MARCHF8: variants seen among roughly 807,000 people sequenced by gnomAD.
MARCHF8 encodes membrane associated ring-CH-type finger 8.
MARCHF8 carries 40 observed loss-of-function variants against 51.6 expected under a neutral mutation model. The observed-to-expected ratio is 0.77, with a 90% CI of 0.60 to 1.01. The LOEUF is 1.01. MARCHF8 is among the 50% of genes least tolerant of loss of function. The pLI, the probability that MARCHF8 is intolerant of heterozygous loss-of-function variation, is 0.00. For synonymous variants in MARCHF8, 263 were observed against 280.3 expected (o/e 0.94, Z 0.62); for missense variants, 685 against 708.6 (o/e 0.97, Z 0.38).
intron 2 of MARCHF8, among the ~76,000 whole-genome samples, chr10:45,505,560 C>G (rs964975061): frequency 3.9e-5 from 6 of 152,148 alleles, no homozygotes; most frequent in Non-Finnish European, 8.8e-5. Flanking sequence ...CCTACTTTTT[C>G]CCACAGTGAC....
At chr10:45,577,034 T>C (rs1394531744) in intron 1 of MARCHF8, among the ~76,000 whole-genome samples, 1 of 150,346 alleles carries the variant, frequency 6.7e-6, no homozygotes, top group Non-Finnish European at 1.5e-5. Flanking sequence ...GAGGACTTTA[T>C]GAGGTGATTA....
chr10:45,551,583 G>A (rs925005175), intron 1 of MARCHF8, among the ~76,000 whole-genome samples: 8 of 151,932 alleles, frequency 5.3e-5, no homozygotes, highest in African/African-American at 1.9e-4. Context: ...TCCATAATGT[G>A]CGTGGGCCTC....
chr10:45,463,066 T>C lies in MARCHF8; in HGVS notation c.1088+85A>G, dbSNP rs1039797994. 3.1e-5 allele frequency: 45 copies of C among 1,448,542 alleles called. No homozygotes were observed. The African/African-American group carries it at 4.3e-4, about 14-fold the overall frequency. 89.7% of individuals were successfully genotyped at this position (1,448,542 alleles called of 1,614,324 possible). ...TGGTTACAACTTCCTATTACTTCAT[T>C]TTCCTGAAACTTCACATACTAAAGC... On this transcript the variant is annotated intron_variant, in intron 5 of 7. Coordinates refer to ENST00000453424, the MANE Select transcript of MARCHF8 (RefSeq NM_001282866.2).
At chr10:45,546,286 G>A (rs1166049081) in intron 1 of MARCHF8, among the ~76,000 whole-genome samples, 6 of 151,746 alleles carry the variant, frequency 4.0e-5, no homozygotes, top group African/African-American at 9.7e-5. Flanking sequence ...TCAGCCTCCC[G>A]AGTAGCTGGG....
At chr10:45,588,281 C>T (rs994368728) in intron 1 of MARCHF8, among the ~76,000 whole-genome samples, 1 of 151,932 alleles carries the variant, frequency 6.6e-6, no homozygotes, top group South Asian at 2.1e-4. Flanking sequence ...AACTGAAGAA[C>T]AGAAATATTC....
chr10:45,548,864 A>AG (rs1332764135), intron 1 of MARCHF8, among the ~76,000 whole-genome samples: 1 of 151,944 alleles, frequency 6.6e-6, no homozygotes, highest in Non-Finnish European at 1.5e-5. Context: ...GAGTAGTGGC[A>AG]GGCGCCTGTA....
At chr10:45,459,886 C>T (rs1386527866) in intron 6 of MARCHF8, 16 of 985,196 alleles carry the variant, frequency 1.6e-5, no homozygotes, top group African/African-American at 5.2e-5. Flanking sequence ...TACTGGTTTC[C>T]GAATCAGGAG....
intron 1 of MARCHF8, among the ~76,000 whole-genome samples, chr10:45,554,565 A>C (rs1488150396): frequency 1.3e-5 from 2 of 152,206 alleles, no homozygotes; most frequent in African/African-American, 2.4e-5. Context: ...AGAAGCCATC[A>C]GAAGCACCCA....
At chr10:45,543,508 C>CTTG (rs1452997650) in intron 1 of MARCHF8, among the ~76,000 whole-genome samples, 2 of 152,158 alleles carry the variant, frequency 1.3e-5, no homozygotes, top group African/African-American at 4.8e-5. Flanking sequence ...TGATAAAAGA[C>CTTG]TTGTATCTGG....
intron 1 of MARCHF8, among the ~76,000 whole-genome samples, chr10:45,548,313 G>T (rs2044152261): frequency 6.6e-6 from 1 of 152,212 alleles, no homozygotes; most frequent in Non-Finnish European, 1.5e-5. Context: ...TAGAGTAACA[G>T]AGAGACACCA....
chr10:45,503,564 T>TA (rs1554812019), intron 2 of MARCHF8, among the ~76,000 whole-genome samples: 4 of 150,088 alleles, frequency 2.7e-5, no homozygotes, highest in South Asian at 4.2e-4. Flanking sequence ...AATAAATAAA[T>TA]AAATAAAATA....
intron 6 of MARCHF8, among the ~76,000 whole-genome samples, chr10:45,460,598 GAT>G (rs1425819366): frequency 2.0e-5 from 3 of 152,222 alleles, no homozygotes; most frequent in Admixed American, 2.0e-4. Flanking sequence ...CATCTAGAGA[GAT>G]ATATGAAACA....
At chr10:45,465,604 A>C (rs1842941347) in intron 3 of MARCHF8, among the ~76,000 whole-genome samples, 2 of 152,230 alleles carry the variant, frequency 1.3e-5, no homozygotes, top group African/African-American at 4.8e-5. Context: ...AGCAGCCTGG[A>C]GAGAGCCAGG....
chr10:45,582,958 G>C (rs1448675386), intron 1 of MARCHF8, among the ~76,000 whole-genome samples: 1 of 152,118 alleles, frequency 6.6e-6, no homozygotes, highest in Non-Finnish European at 1.5e-5. Context: ...GTCAGAGAGT[G>C]GGAAATGGTA....
At chr10:45,461,135 T>C in intron 6 of MARCHF8, 96 bp downstream of exon 6, 1 of 938,610 alleles carries the variant, frequency 1.1e-6, no homozygotes, top group South Asian at 2.6e-5. Context: ...TTTAAGGAAA[T>C]GAACGCAGGC....
intron 2 of MARCHF8, among the ~76,000 whole-genome samples, chr10:45,507,592 G>A (rs2043409415): frequency 6.6e-6 from 1 of 152,134 alleles, no homozygotes; most frequent in South Asian, 2.1e-4. Flanking sequence ...ATTACCCAGA[G>A]GAGGGCATTA....
chr10:45,489,557 G>T lies in MARCHF8; in HGVS notation c.103-140C>A, dbSNP rs73285386. 7.7e-3 allele frequency: 5,116 copies of T among 662,638 alleles called. 189 individuals are homozygous for T. In the African/African-American group the frequency reaches 0.083, roughly 11 times the overall value. The allele number at this position is 662,638 out of a possible 1,614,324, so 41.0% of individuals were successfully genotyped here. The stretch of plus-strand genomic sequence containing the variant: ...AAGCACAACCTACTATATACTAGAT[G>T]TATGTAGCCAGGCAGTAAATATTGC... On this transcript the variant is annotated intron_variant, in intron 2 of 7. Transcript: ENST00000453424.
intron 2 of MARCHF8, among the ~76,000 whole-genome samples, chr10:45,510,480 C>T (rs1400664267): frequency 6.6e-6 from 1 of 152,086 alleles, no homozygotes; most frequent in Non-Finnish European, 1.5e-5. Flanking sequence ...AAATTTAGTA[C>T]ATATTTTAGT....
Position 45,573,792 on chromosome 10 carries a change from T to C in MARCHF8, c.-79+20443A>G, listed in dbSNP as rs1002487557. ...CTTAATCAATACAGAGGCTACCAAC[T>C]CCACATTACCTTCTTTTCAAGGGCC... is the stretch of plus-strand genomic sequence containing the variant. On this transcript the variant is annotated intron_variant, in intron 1 of 6. Transcript: ENST00000319836. 2.6e-5 allele frequency among the ~76,000 whole-genome samples: 4 copies of C among 152,286 alleles called. No individual in the cohort carries two copies. The East Asian group carries it at 7.7e-4, about 29-fold the overall frequency.
Sources: allele counts gnomAD v4.1 joint callset (sites outside exome capture counted in the v4.1 genomes callset), GRCh38; gene constraint gnomAD v4.1.1; transcripts MANE v1.5; gene names NCBI Gene and HGNC (gene_info 2026-07-23, HGNC 2026-07-21).